The following HERC4 variants were observed in gnomAD, a reference collection of about 807,000 sequenced individuals.
HERC4 encodes the protein probable E3 ubiquitin-protein ligase HERC4.
A neutral mutation model predicts 124.3 loss-of-function variants in HERC4; 28 were observed. The ratio of observed to expected loss-of-function variants is 0.23; its 90% CI spans 0.17 to 0.31. The LOEUF (loss-of-function observed/expected upper bound fraction) is 0.31, where lower values mean the gene tolerates loss of function less well. HERC4 is among the 10% of genes least tolerant of loss of function. The probability of loss-of-function intolerance (pLI) is 1.00; values close to 1 mark genes in which losing one functional copy is unlikely to be tolerated. For missense variants in HERC4, 713 were observed against 1,229.3 expected (o/e 0.58, Z 6.28); for synonymous variants, 407 against 421.5 (o/e 0.97, Z 0.42).
Position 67,932,826 on chromosome 10 carries a change from T to A in HERC4, c.2655-46A>T, listed in dbSNP as rs371264248. ...ATGTACAGATTATAAAAATCATGTA[T>A]GAAGAATCCATAATGTAGTCATTAA... On this transcript the variant is annotated intron_variant, in intron 22 of 24. Transcript: ENST00000373700. 3.3e-6 allele frequency: 5 copies of A among 1,500,672 alleles called. No individual in the cohort carries two copies. The African/African-American group carries it at 5.8e-5, about 17-fold the overall frequency. 93.0% of individuals were successfully genotyped at this position (1,500,672 alleles called of 1,614,324 possible).
At chr10:67,960,960 T>A in intron 16 of HERC4, 1 of 356,628 alleles carries the variant, frequency 2.8e-6, no homozygotes, top group African/African-American at 2.2e-5. Flanking sequence ...ACCTCTTGGA[T>A]CATGATTTTC....
chr10:67,985,118 T>A (rs975216164), intron 15 of HERC4, among the ~76,000 whole-genome samples: 2 of 152,218 alleles, frequency 1.3e-5, no homozygotes, highest in African/African-American at 4.8e-5. Context: ...CTCCAGGAAG[T>A]CTTCCTTAGT....
At chr10:68,056,547 GT>G (rs1234659991) in intron 3 of HERC4, among the ~76,000 whole-genome samples, 2 of 152,210 alleles carry the variant, frequency 1.3e-5, no homozygotes, top group African/African-American at 4.8e-5. Context: ...TACACAAAAT[GT>G]GTGACTTGAA....
At position 67,947,968 on chromosome 10, in the gene HERC4, C is replaced by T. The variant is rs943940757; in HGVS notation, c.2337+6627G>A. Among the ~76,000 whole-genome samples the T allele has an allele frequency of 7.4e-4, 96 of 129,620 alleles. 2 individuals carry two copies. In the Admixed American group the frequency reaches 8.2e-3, roughly 11 times the overall value. 85.0% of individuals were successfully genotyped at this position (129,620 alleles called of 152,430 possible). On this transcript the variant is annotated intron_variant, in intron 19 of 24. Coordinates refer to ENST00000373700, the MANE Select transcript of HERC4 (RefSeq NM_015601.4). ...CCTCCCAAAGTGGTGGGATTACAGG[C>T]ATGAGCCACCATGCCCAGTCTAAAC...
At chr10:68,022,661 T>C (rs1318246613) in intron 8 of HERC4, among the ~76,000 whole-genome samples, 2 of 151,952 alleles carry the variant, frequency 1.3e-5, no homozygotes, top group East Asian at 1.9e-4. Context: ...TGACACCAAA[T>C]GCATAGCCAA....
intron 23 of HERC4, among the ~76,000 whole-genome samples, chr10:67,927,900 GGA>G (rs1328813995): frequency 6.6e-6 from 1 of 152,128 alleles, no homozygotes; most frequent in Non-Finnish European, 1.5e-5. Flanking sequence ...GTGGGGGGAA[GGA>G]GCAACCTAAG....
intron 3 of HERC4, among the ~76,000 whole-genome samples, chr10:68,061,243 G>A (rs1438543617): frequency 6.6e-6 from 1 of 152,090 alleles, no homozygotes; most frequent in Non-Finnish European, 1.5e-5. Context: ...AAGACCTGGA[G>A]GGAAGTCCTG....
At chr10:67,987,200 T>C (rs571467297) in intron 15 of HERC4, among the ~76,000 whole-genome samples, 18 of 152,162 alleles carry the variant, frequency 1.2e-4, no homozygotes, top group Non-Finnish European at 2.5e-4. Flanking sequence ...CTGAAGTTAC[T>C]GAGCTAGGCA....
chr10:68,017,061 C>A (rs1374802968), intron 8 of HERC4, among the ~76,000 whole-genome samples: 1 of 152,036 alleles, frequency 6.6e-6, no homozygotes, highest in Admixed American at 6.5e-5. Context: ...ATTCCCCATA[C>A]CTTAACTTTA....
chr10:68,030,140 A>T (rs1279258015), intron 7 of HERC4, among the ~76,000 whole-genome samples: 2 of 151,960 alleles, frequency 1.3e-5, no homozygotes, highest in African/African-American at 4.8e-5. Flanking sequence ...AATTTACTGT[A>T]TTTTTAAAAA....
intron 3 of HERC4, among the ~76,000 whole-genome samples, chr10:68,065,950 AAATT>A (rs142319652): frequency 2.3e-4 from 35 of 152,306 alleles, no homozygotes; most frequent in African/African-American, 8.4e-4. Context: ...TTACAATTTA[AAATT>A]AATTATTGCC....
intron 20 of HERC4, 115 bp from the exon 21 acceptor site, chr10:67,939,769 T>C (rs1401050724): frequency 6.4e-6 from 3 of 466,940 alleles, no homozygotes; most frequent in African/African-American, 2.0e-5. Context: ...TAAAATCCTT[T>C]TGTCAATTTG....
intron 9 of HERC4, among the ~76,000 whole-genome samples, chr10:68,006,584 G>A (rs1418208667): frequency 6.6e-6 from 1 of 151,772 alleles, no homozygotes; most frequent in Non-Finnish European, 1.5e-5. Context: ...TGCCACGTTG[G>A]CCAGGCTAGT....
At chr10:68,020,593 C>T (rs1363851239) in intron 8 of HERC4, among the ~76,000 whole-genome samples, 1 of 151,762 alleles carries the variant, frequency 6.6e-6, no homozygotes, top group African/African-American at 2.4e-5. Context: ...AACGGTGAAA[C>T]CCCGTCTCTA....
intron 15 of HERC4, among the ~76,000 whole-genome samples, chr10:67,974,474 A>G (rs1055289867): frequency 3.3e-5 from 5 of 152,238 alleles, no homozygotes; most frequent in African/African-American, 1.2e-4. Context: ...GAATATCTGA[A>G]AGGGAACAAA....
At chr10:67,984,549 A>C (rs748843703) in intron 15 of HERC4, among the ~76,000 whole-genome samples, 12 of 152,010 alleles carry the variant, frequency 7.9e-5, no homozygotes, top group Non-Finnish European at 1.5e-4. Context: ...CTAATAGATA[A>C]AAATAAAAAT....
At chr10:68,010,174 C>T in intron 9 of HERC4, 2 of 1,025,746 alleles carry the variant, frequency 1.9e-6, no homozygotes, top group Middle Eastern at 3.0e-4. Context: ...CGCCCTCTCC[C>T]TGTATCCCAT....
intron 9 of HERC4, chr10:67,993,779 T>C (rs1340618714): frequency 6.6e-6 from 1 of 152,178 alleles, no homozygotes; most frequent in African/African-American, 2.4e-5. Context: ...CCTCTTTTTT[T>C]TCTTTTCTTC....
intron 3 of HERC4, among the ~76,000 whole-genome samples, chr10:68,063,548 T>C (rs1281243551): frequency 1.3e-5 from 2 of 152,206 alleles, no homozygotes; most frequent in African/African-American, 2.4e-5. Context: ...AAATATCTTA[T>C]GTGTATAAAC....
Sources: gnomAD v4.1 joint callset for allele counts (sites outside exome capture counted in the v4.1 genomes callset) on GRCh38, gnomAD v4.1.1 for gene constraint, MANE v1.5 for transcripts, NCBI Gene and HGNC (gene_info 2026-07-23, HGNC 2026-07-21) for gene names.